Variants in PFKFB2 observed in about 807,000 individuals in gnomAD.
PFKFB2 encodes the protein 6-phosphofructo-2-kinase/fructose-2,6-biphosphatase 2.
A neutral mutation model predicts 68.0 loss-of-function variants in PFKFB2; 53 were observed. That is an observed-to-expected ratio of 0.78 (90% CI 0.63 to 0.98). The LOEUF (loss-of-function observed/expected upper bound fraction) is 0.98. Among genes scored for constraint, PFKFB2 ranks in the 50% least tolerant of loss-of-function variants. The probability of loss-of-function intolerance (pLI) is 0.00; values close to 1 mark genes in which losing one functional copy is unlikely to be tolerated. For missense variants in PFKFB2, 451 were observed against 642.0 expected (o/e 0.70, Z 3.22); for synonymous variants, 222 against 227.6 (o/e 0.98, Z 0.22).
At chr1:207,047,545 A>C (rs1226285795) in intron 2 of PFKFB2, 1 of 152,638 alleles carries the variant, frequency 6.6e-6, no homozygotes, top group East Asian at 1.9e-4. Context: ...AAATAACAAA[A>C]CTTCACATTA....
upstream of PFKFB2, chr1:207,052,232 C>T (rs535028308): frequency 1.6e-5 from 26 of 1,612,376 alleles, no homozygotes; most frequent in East Asian, 5.6e-4. Flanking sequence ...TGTAATGTTT[C>T]CATCTTTTCA....
intron 3 of PFKFB2, 105 bp from the exon 4 acceptor site, chr1:207,062,515 T>A: frequency 1.3e-6 from 2 of 1,525,098 alleles, no homozygotes; most frequent in East Asian, 2.3e-5. Flanking sequence ...ATGCTGCCGC[T>A]TTTTTCATCC....
At chr1:207,058,952 A>T (rs1345672492) in intron 2 of PFKFB2, among the ~76,000 whole-genome samples, 1 of 152,248 alleles carries the variant, frequency 6.6e-6, no homozygotes, top group Non-Finnish European at 1.5e-5. Context: ...TCTGAAATTA[A>T]TCAGGTGGCA....
At chr1:207,066,534 C>G (rs9651116) in intron 8 of PFKFB2, among the ~76,000 whole-genome samples, 5 of 152,102 alleles carry the variant, frequency 3.3e-5, no homozygotes, top group African/African-American at 1.2e-4. Context: ...GAAAAACATA[C>G]AGAAGATCTA....
At chr1:207,071,640 C>G (rs1405641270) in intron 14 of PFKFB2, 67 bp downstream of exon 14, 1 of 1,146,646 alleles carries the variant, frequency 8.7e-7, no homozygotes, top group Non-Finnish European at 1.3e-6. Flanking sequence ...GCTTTGACAT[C>G]AAGAGACTGG....
chr1:207,040,447 G>A (rs1045850306), intron 1 of PFKFB2, among the ~76,000 whole-genome samples: 1 of 152,204 alleles, frequency 6.6e-6, no homozygotes, highest in Admixed American at 6.5e-5. Context: ...GGTCAGAAGG[G>A]CAGAGAAGTT....
rs753675857 is a variant in PFKFB2 at position 207,070,431 on chromosome 1, G to A, written c.1222+22G>A. 3 of 1,611,844 alleles carry A rather than the reference G, an allele frequency of 1.9e-6. No homozygotes were observed. The East Asian group carries it at 6.7e-5, about 36-fold the overall frequency. ...GCAGGTGCCTTTGAGGGAGGGGCTGGGAGACACATCCAGTGGGAGAGGGCT... is the reference window on the plus strand; with the variant it reads ...GCAGGTGCCTTTGAGGGAGGGGCTGAGAGACACATCCAGTGGGAGAGGGCT... On this transcript the variant is annotated intron_variant, in intron 12 of 14. Transcript: ENST00000367080. This position sits in a 1 kb window ranked among gnomAD's most constrained non-coding sequence, Gnocchi z 4.2.
In PFKFB2 at chr1:207,071,594, AAC is replaced by A. The variant is rs781681480; in HGVS notation, c.1350+26_1350+27del. On this transcript the variant is annotated intron_variant, in intron 14 of 14. Transcript: ENST00000367080. ...CAACTGTAAGTATTTTCCCACGATGAACACACCAGTTTCCCTGCCACCTTGAG... is the reference window on the plus strand; with the variant it reads ...CAACTGTAAGTATTTTCCCACGATGAACACCAGTTTCCCTGCCACCTTGAG... The A allele has an allele frequency of 4.0e-5, 64 of 1,586,242 alleles. No homozygotes were observed. In the African/African-American group the frequency reaches 8.2e-4, roughly 20 times the overall value.
rs4030464 is a variant in PFKFB2, at chr1:207,068,095, A to AGTGTGT, written c.841-51_841-46dup. ...GCAGGCTTTGTGTATGTGTGTGTTGAGTGTGTGTGTGTGTGTGTGTGTCTG... is the reference window on the plus strand; with the variant it reads ...GCAGGCTTTGTGTATGTGTGTGTTGAGTGTGTGTGTGTGTGTGTGTGTGTGTGTCTG... On this transcript the variant is annotated intron_variant, in intron 9 of 14. Transcript: ENST00000367080. The AGTGTGT allele has an allele frequency of 6.4e-3, 6,929 of 1,089,846 alleles. 47 individuals are homozygous for AGTGTGT. Among genetic ancestry groups the AGTGTGT allele is most frequent in the Middle Eastern group, 0.017 (80 of 4,606 alleles). The allele number at this position is 1,089,846 out of a possible 1,614,324, so 67.5% of individuals were successfully genotyped here. A position where few individuals can be genotyped will look rare whatever the true frequency, so the allele number is the denominator to read the frequency against.
chr1:207,055,291 T>C (rs1324772691), intron 2 of PFKFB2, among the ~76,000 whole-genome samples: 1 of 152,220 alleles, frequency 6.6e-6, no homozygotes, highest in Non-Finnish European at 1.5e-5. Flanking sequence ...ACTTGGCTTC[T>C]CACAGTGTCT....
upstream of PFKFB2, chr1:207,050,934 G>A (rs116505937): frequency 6.3e-7 from 1 of 1,584,166 alleles, no homozygotes; most frequent in African/African-American, 1.3e-5. Flanking sequence ...GCACCCGCGG[G>A]GCCAGCTTTG....
At chr1:207,050,790 C>T, upstream of PFKFB2, 2 of 1,613,426 alleles carry the variant, frequency 1.2e-6, no homozygotes, top group Non-Finnish European at 1.7e-6. Context: ...GGGGCGATCC[C>T]GGTGATGGCG....
rs1345468848 is a variant in PFKFB2 at position 207,063,744 on chromosome 1, G to T, written c.451-29G>T. 4 of 1,602,148 alleles carry T rather than the reference G, an allele frequency of 2.5e-6. No individual in the cohort carries two copies. In the African/African-American group the frequency reaches 5.4e-5, roughly 21 times the overall value. On this transcript the variant is annotated intron_variant, in intron 6 of 14. Transcript: ENST00000367080. The surrounding 1 kb of genome is among the most constrained non-coding windows in gnomAD (Gnocchi z 4.1). ...ATTAACAGCCTGGCATTTTTGACTT[G>T]CTTATCACTGCCTTCTCTCCATGGC... is the stretch of plus-strand genomic sequence containing the variant.
Position 207,041,144 on chromosome 1 carries a change from G to T in PFKFB2, c.-61-1025G>T, listed in dbSNP as rs540655238. 1.8e-3 allele frequency among the ~76,000 whole-genome samples: 278 copies of T among 151,776 alleles called. 4 individuals carry two copies. Among genetic ancestry groups the T allele is most frequent in the African/African-American group, 6.3e-3 (260 of 41,414 alleles). ...GGGTTTCACCGTGTTAGCCAGGATG[G>T]TCTCGATCTCCTGACCTCGTGATCT... On this transcript the variant is annotated intron_variant, in intron 1 of 5. Coordinates refer to the PFKFB2 transcript ENST00000545806.
At chr1:207,037,895 T>C (rs545850591) in intron 1 of PFKFB2, among the ~76,000 whole-genome samples, 2 of 152,360 alleles carry the variant, frequency 1.3e-5, no homozygotes, top group South Asian at 4.1e-4. Flanking sequence ...CTTATAGAGT[T>C]ATTGTAAAGA....
At position 207,075,999 on chromosome 1, in the gene PFKFB2, T is replaced by C. The variant is rs1194529557; in HGVS notation, c.*3628T>C. 2.0e-6 allele frequency: 2 copies of C among 985,328 alleles called. No homozygotes were observed. The highest frequency in any genetic ancestry group is 3.5e-5 in the African/African-American group (2 of 57,242). The allele number at this position is 985,328 out of a possible 1,614,324, so 61.0% of individuals were successfully genotyped here. ...TAAGAAAAGCTTCTAAAAACTTGCA[T>C]TGTGCTAGGGATCTGCCCTATATCT... is the stretch of plus-strand genomic sequence containing the variant. On this transcript the variant is annotated 3_prime_UTR_variant, in exon 15 of 15. Coordinates refer to ENST00000367080, the MANE Select transcript of PFKFB2 (RefSeq NM_006212.2).
intron 2 of PFKFB2, among the ~76,000 whole-genome samples, chr1:207,057,598 A>G (rs893663594): frequency 2.0e-5 from 3 of 151,954 alleles, no homozygotes; most frequent in Non-Finnish European, 4.4e-5. Context: ...CCCTAAATAC[A>G]AAAGCAATGT....
intron 1 of PFKFB2, among the ~76,000 whole-genome samples, chr1:207,054,221 G>C (rs1246271804): frequency 6.6e-6 from 1 of 151,924 alleles, no homozygotes; most frequent in Non-Finnish European, 1.5e-5. Context: ...GCAAAACTGA[G>C]TCCTACCGTT....
At chr1:207,069,030 C>A (rs891636574) in intron 10 of PFKFB2, among the ~76,000 whole-genome samples, 1 of 152,154 alleles carries the variant, frequency 6.6e-6, no homozygotes, top group African/African-American at 2.4e-5. Flanking sequence ...CAGGCATGAG[C>A]CACCGTGCCC....
Sources: allele counts gnomAD v4.1 joint callset (sites outside exome capture counted in the v4.1 genomes callset), GRCh38; gene constraint gnomAD v4.1.1; non-coding constraint Gnocchi (gnomAD v3.1); transcripts MANE v1.5; gene names NCBI Gene and HGNC (gene_info 2026-07-23, HGNC 2026-07-21).